Variants in ZFHX3 observed in about 807,000 individuals in gnomAD.
The protein encoded by ZFHX3 is zinc finger homeobox protein 3.
ZFHX3 carries 42 observed loss-of-function variants against 279.1 expected under a neutral mutation model. That is an observed-to-expected ratio of 0.15 (90% CI 0.12 to 0.19). The LOEUF (loss-of-function observed/expected upper bound fraction) is 0.19. Ranked by LOEUF, ZFHX3 falls within the 10% of genes least tolerant of loss-of-function variation. The probability of loss-of-function intolerance (pLI) is 1.00; values close to 1 mark genes in which losing one functional copy is unlikely to be tolerated. For synonymous variants in ZFHX3, 2,293 were observed against 1,957.8 expected (o/e 1.17, Z -4.52); for missense variants, 4,981 against 4,754.0 (o/e 1.05, Z -1.40).
At chr16:73,687,011 A>T (rs1405385563) in intron 1 of ZFHX3, among the ~76,000 whole-genome samples, 3 of 53,228 alleles carry the variant, frequency 5.6e-5, no homozygotes, top group Admixed American at 2.0e-4. Context: ...TTTGCAGCTA[A>T]ATATATATAT....
At chr16:73,017,233 C>T (rs1469371346) in intron 1 of ZFHX3, among the ~76,000 whole-genome samples, 2 of 137,536 alleles carry the variant, frequency 1.5e-5, no homozygotes, top group South Asian at 2.3e-4. Context: ...ACTCCCATCT[C>T]GAAAAAAAAA....
At chr16:73,492,083 GCTGT>G (rs1439672366) in intron 2 of ZFHX3, among the ~76,000 whole-genome samples, 1 of 152,156 alleles carries the variant, frequency 6.6e-6, no homozygotes, top group East Asian at 1.9e-4. Context: ...TACCTATGCA[GCTGT>G]CTATCAGTTA....
chr16:73,608,676 T>C (rs886414228), intron 2 of ZFHX3: 7 of 152,214 alleles, frequency 4.6e-5, no homozygotes, highest in African/African-American at 7.2e-5. Context: ...TATTAACTAA[T>C]GACTAAATCC....
intron 1 of ZFHX3, among the ~76,000 whole-genome samples, chr16:72,998,584 T>A (rs1963376321): frequency 6.6e-6 from 1 of 152,256 alleles, no homozygotes; most frequent in South Asian, 2.1e-4. Context: ...ACTCACAGTA[T>A]GGCTCAGGGC....
At chr16:73,221,807 T>G (rs750980678) in intron 5 of ZFHX3, among the ~76,000 whole-genome samples, 1 of 152,108 alleles carries the variant, frequency 6.6e-6, no homozygotes, top group Non-Finnish European at 1.5e-5. Flanking sequence ...AAAAAGACCC[T>G]CTATTGTACA....
At chr16:73,681,232 G>T (rs1457650130) in intron 1 of ZFHX3, among the ~76,000 whole-genome samples, 1 of 152,138 alleles carries the variant, frequency 6.6e-6, no homozygotes, top group Non-Finnish European at 1.5e-5. Flanking sequence ...GGAGAGAAAG[G>T]CATTTTAATA....
intron 3 of ZFHX3, chr16:73,420,794 G>A (rs750173024): frequency 6.6e-6 from 1 of 152,160 alleles, no homozygotes; most frequent in East Asian, 1.9e-4. Flanking sequence ...CAGTAGCAAC[G>A]TTTTTGCACA....
At chr16:73,642,250 G>C (rs957749305) in intron 2 of ZFHX3, among the ~76,000 whole-genome samples, 5 of 152,274 alleles carry the variant, frequency 3.3e-5, no homozygotes, top group Middle Eastern at 6.8e-3. Context: ...TTTGCCTGCA[G>C]CTCTGCTCTA....
intron 3 of ZFHX3, among the ~76,000 whole-genome samples, chr16:73,371,724 C>T (rs2016635092): frequency 6.6e-6 from 1 of 152,178 alleles, no homozygotes; most frequent in African/African-American, 2.4e-5. Context: ...ATGGTTTCTT[C>T]ATCCTCATGC....
At chr16:73,817,187 T>C (rs1960598829) in intron 1 of ZFHX3, among the ~76,000 whole-genome samples, 1 of 152,174 alleles carries the variant, frequency 6.6e-6, no homozygotes, top group Non-Finnish European at 1.5e-5. Flanking sequence ...TACGATTTCT[T>C]GAGCTGACAG....
At chr16:72,887,560 G>A (rs1398714512) in intron 4 of ZFHX3, among the ~76,000 whole-genome samples, 1 of 151,732 alleles carries the variant, frequency 6.6e-6, no homozygotes, top group Non-Finnish European at 1.5e-5. Flanking sequence ...TGTGTGGGGG[G>A]TGCAGGAGTG....
chr16:73,054,764 A>G (rs1442432600), intron 1 of ZFHX3, among the ~76,000 whole-genome samples: 1 of 152,118 alleles, frequency 6.6e-6, no homozygotes, highest in African/African-American at 2.4e-5. Context: ...ATTTAAAGGC[A>G]TATATATAGC....
intron 3 of ZFHX3, among the ~76,000 whole-genome samples, chr16:73,385,352 G>C (rs1272316973): frequency 6.6e-6 from 1 of 152,172 alleles, no homozygotes; most frequent in Non-Finnish European, 1.5e-5. Flanking sequence ...GAACACTCCT[G>C]CATGTTTGGA....
At chr16:73,470,356 C>T (rs898211934) in intron 2 of ZFHX3, among the ~76,000 whole-genome samples, 3 of 152,186 alleles carry the variant, frequency 2.0e-5, no homozygotes, top group African/African-American at 7.2e-5. Flanking sequence ...AGACAGAAAT[C>T]CAGACAGTCC....
intron 3 of ZFHX3, among the ~76,000 whole-genome samples, chr16:73,329,128 C>A (rs970010966): frequency 1.3e-5 from 2 of 152,234 alleles, no homozygotes; most frequent in African/African-American, 4.8e-5. Flanking sequence ...AAAACAAAAC[C>A]TTTCCAAAGG....
At chr16:73,889,264 C>G (rs116593527) in intron 1 of ZFHX3, among the ~76,000 whole-genome samples, 2,459 of 152,296 alleles carry the variant, frequency 0.016, 67 homozygotes, top group African/African-American at 0.056. Context: ...GCGCCAGACC[C>G]GCGCTCCAGA....
intron 2 of ZFHX3, among the ~76,000 whole-genome samples, chr16:73,469,610 C>A (rs2018628561): frequency 6.6e-6 from 1 of 150,820 alleles, no homozygotes; most frequent in Non-Finnish European, 1.5e-5. Context: ...TAGTCCCAAC[C>A]TCCAATATAT....
At chr16:73,373,291 G>A (rs1005209028) in intron 3 of ZFHX3, among the ~76,000 whole-genome samples, 8 of 152,112 alleles carry the variant, frequency 5.3e-5, no homozygotes, top group African/African-American at 1.2e-4. Flanking sequence ...ATGAAGCATC[G>A]CTCTCAGGTC....
At chr16:73,426,660 AG>A (rs1362614576) in intron 3 of ZFHX3, among the ~76,000 whole-genome samples, 4 of 152,158 alleles carry the variant, frequency 2.6e-5, no homozygotes, top group Admixed American at 6.5e-5. Context: ...GGAGGTTTGC[AG>A]GAAAAAAAAA....
Sources: gnomAD v4.1 joint callset for allele counts (sites outside exome capture counted in the v4.1 genomes callset) on GRCh38, gnomAD v4.1.1 for gene constraint, MANE v1.5 for transcripts, NCBI Gene and HGNC (gene_info 2026-07-23, HGNC 2026-07-21) for gene names.